CSMD3: variants seen among roughly 807,000 people sequenced by gnomAD.
CSMD3 encodes CUB and sushi domain-containing protein 3.
Under a neutral mutation model 435.2 loss-of-function variants are expected in CSMD3, and 177 were observed. The ratio of observed to expected loss-of-function variants is 0.41; its 90% CI spans 0.36 to 0.46. The LOEUF (loss-of-function observed/expected upper bound fraction) is 0.46. Among genes scored for constraint, CSMD3 ranks in the 20% least tolerant of loss-of-function variants. The probability of loss-of-function intolerance (pLI) is 0.34; values close to 1 mark genes in which losing one functional copy is unlikely to be tolerated. For missense variants in CSMD3, 4,265 were observed against 4,504.6 expected, an observed-to-expected ratio of 0.95 and a Z score of 1.52; for synonymous variants, 1,656 against 1,520.5, an observed-to-expected ratio of 1.09 and a Z score of -2.07.
At chr8:112,701,116 T>G (rs1370139762) in intron 13 of CSMD3, among the ~76,000 whole-genome samples, 5 of 152,150 alleles carry the variant, frequency 3.3e-5, no homozygotes, top group Non-Finnish European at 1.5e-5. Context: ...CAATAAAGTA[T>G]TAGTCTATAA....
intron 10 of CSMD3, among the ~76,000 whole-genome samples, chr8:112,880,635 T>A (rs2081420234): frequency 6.6e-6 from 1 of 152,044 alleles, no homozygotes; most frequent in Non-Finnish European, 1.5e-5. Context: ...CGTTGGGATT[T>A]GGGGCAATTC....
chr8:113,357,244 C>A (rs1203500594), intron 1 of CSMD3, among the ~76,000 whole-genome samples: 1 of 152,134 alleles, frequency 6.6e-6, no homozygotes, highest in Admixed American at 6.6e-5. Context: ...TTGTTTAGCC[C>A]TTTCAAAACT....
intron 59 of CSMD3, among the ~76,000 whole-genome samples, chr8:112,272,542 A>T (rs1401670563): frequency 6.6e-6 from 1 of 152,088 alleles, no homozygotes; most frequent in Non-Finnish European, 1.5e-5. Context: ...CATGAATGGA[A>T]AATTTCATCT....
At chr8:113,090,532 A>G (rs2089967899) in intron 5 of CSMD3, among the ~76,000 whole-genome samples, 1 of 152,156 alleles carries the variant, frequency 6.6e-6, no homozygotes, top group Non-Finnish European at 1.5e-5. Flanking sequence ...ACAAGAATAA[A>G]TTGTTTATAC....
intron 7 of CSMD3, among the ~76,000 whole-genome samples, chr8:112,964,599 C>A (rs960239282): frequency 2.0e-5 from 3 of 151,888 alleles, no homozygotes; most frequent in Non-Finnish European, 4.4e-5. Flanking sequence ...TTAGTAAAAT[C>A]ATCTTTGGCT....
At chr8:113,111,908 G>A (rs1014651254) in intron 4 of CSMD3, among the ~76,000 whole-genome samples, 1 of 151,924 alleles carries the variant, frequency 6.6e-6, no homozygotes, top group African/African-American at 2.4e-5. Context: ...TCGAACTCCT[G>A]ACCTCTAAAC....
At chr8:113,366,498 A>G (rs2094312424) in intron 1 of CSMD3, among the ~76,000 whole-genome samples, 1 of 152,102 alleles carries the variant, frequency 6.6e-6, no homozygotes, top group Admixed American at 6.6e-5. Context: ...ATTTTAATTT[A>G]TAATCTGCAA....
chr8:113,408,797 T>G (rs978995330), intron 1 of CSMD3, among the ~76,000 whole-genome samples: 21 of 151,928 alleles, frequency 1.4e-4, no homozygotes, highest in African/African-American at 5.1e-4. Context: ...CCCGAGTAGC[T>G]GGGACTACAG....
chr8:112,444,545 G>C (rs914588904), intron 32 of CSMD3, among the ~76,000 whole-genome samples: 1 of 152,164 alleles, frequency 6.6e-6, no homozygotes, highest in African/African-American at 2.4e-5. Flanking sequence ...GCAAACTCCT[G>C]ATGCACACAA....
At chr8:113,371,154 GC>G (rs561907144) in intron 1 of CSMD3, among the ~76,000 whole-genome samples, 122 of 152,020 alleles carry the variant, frequency 8.0e-4, no homozygotes, top group Admixed American at 7.9e-3. Flanking sequence ...AAATAGATAT[GC>G]CATTTTTCTA....
intron 3 of CSMD3, among the ~76,000 whole-genome samples, chr8:113,253,142 G>A (rs1181268331): frequency 1.3e-5 from 2 of 152,040 alleles, no homozygotes; most frequent in African/African-American, 4.8e-5. Flanking sequence ...GACTGAGATT[G>A]ATCCTGGACA....
At chr8:112,859,366 A>G (rs924912330) in intron 10 of CSMD3, 100 bp from the exon 11 acceptor site, 9 of 958,634 alleles carry the variant, frequency 9.4e-6, no homozygotes, top group African/African-American at 4.9e-5. Context: ...AAATGACACA[A>G]TTATAACCAC....
At chr8:113,144,864 C>G (rs2091635508) in intron 4 of CSMD3, among the ~76,000 whole-genome samples, 1 of 151,142 alleles carries the variant, frequency 6.6e-6, no homozygotes, top group South Asian at 2.1e-4. Context: ...GAGAAATAAA[C>G]AAAAATAAAA....
chr8:112,292,650 T>C lies in CSMD3; in HGVS notation c.8675A>G (p.Asn2892Ser). The C allele has an allele frequency of 6.2e-7, 1 of 1,613,844 alleles. No homozygotes were observed. Among genetic ancestry groups the C allele is most frequent in the East Asian group, 2.2e-5 (1 of 44,858 alleles). ...TGAGAATGTTACCACATCATTAAAGTTGAACCCATTTCCACTTGTTCTTCC... is the reference window on the plus strand; with the variant it reads ...TGAGAATGTTACCACATCATTAAAGCTGAACCCATTTCCACTTGTTCTTCC... The part of the protein sequence containing the change: ...IYGRTSGNGF[N>S]FNDVVTFSCN... Residue 2892 changes from asparagine to serine, a missense_variant, in exon 55 of 71, where the codon AAC becomes AGC. Asn to Ser is a conservative substitution (Grantham distance 46). This residue lies in a region of CSMD3 where 3,255 missense variants were observed against 3,380.2 expected (regional missense o/e 0.96). Transcript: ENST00000297405.
intron 53 of CSMD3, among the ~76,000 whole-genome samples, chr8:112,300,673 T>C (rs1318142619): frequency 6.6e-6 from 1 of 152,116 alleles, no homozygotes; most frequent in Non-Finnish European, 1.5e-5. Context: ...CCCCAGAGAC[T>C]CAGGAGTTCC....
At chr8:112,617,192 T>C (rs1833725180) in intron 22 of CSMD3, among the ~76,000 whole-genome samples, 2 of 152,166 alleles carry the variant, frequency 1.3e-5, no homozygotes, top group African/African-American at 2.4e-5. Context: ...CACAATAAAA[T>C]AATATAGATT....
chr8:112,580,107 A>G (rs1034007478), intron 23 of CSMD3, among the ~76,000 whole-genome samples: 10 of 152,062 alleles, frequency 6.6e-5, no homozygotes, highest in Non-Finnish European at 1.3e-4. Context: ...TGAAAACAGA[A>G]AATAGTATTT....
chr8:113,352,374 G>T (rs939918111), intron 1 of CSMD3, among the ~76,000 whole-genome samples: 2 of 152,074 alleles, frequency 1.3e-5, no homozygotes, highest in Admixed American at 6.6e-5. Flanking sequence ...GACACCATCA[G>T]AAGCTGGAAG....
At chr8:112,594,914 A>G (rs1306955420) in intron 22 of CSMD3, among the ~76,000 whole-genome samples, 1 of 151,826 alleles carries the variant, frequency 6.6e-6, no homozygotes, top group African/African-American at 2.4e-5. Context: ...AAAGATGGGG[A>G]AAAAACAGAA....
Sources: gnomAD v4.1 joint callset for allele counts (sites outside exome capture counted in the v4.1 genomes callset) on GRCh38, gnomAD v4.1.1 for gene constraint, gnomAD v4.1.1 regional missense constraint, MANE v1.5 for transcripts, NCBI Gene and HGNC (gene_info 2026-07-23, HGNC 2026-07-21) for gene names.